C12orf42: variants seen among roughly 807,000 people sequenced by gnomAD.
C12orf42 encodes uncharacterized protein C12orf42.
Under a neutral mutation model 21.6 loss-of-function variants are expected in C12orf42, and 25 were observed. The observed-to-expected ratio is 1.16, with a 90% CI of 0.84 to 1.62. The LOEUF is 1.62. Among genes scored for constraint, C12orf42 ranks in the 40% most tolerant of loss-of-function variants. The pLI, the probability that C12orf42 is intolerant of heterozygous loss-of-function variation, is 0.00. For synonymous variants in C12orf42, 174 were observed against 175.0 expected, an observed-to-expected ratio of 0.99 and a Z score of 0.05; for missense variants, 483 against 459.3, an observed-to-expected ratio of 1.05 and a Z score of -0.47.
chr12:103,379,380 A>G (rs1850389109), intron 3 of C12orf42, among the ~76,000 whole-genome samples: 1 of 152,208 alleles, frequency 6.6e-6, no homozygotes, highest in Non-Finnish European at 1.5e-5. Context: ...AGAATGATAC[A>G]TTGAAGATGC....
chr12:103,470,074 C>T (rs890040193), intron 2 of C12orf42, among the ~76,000 whole-genome samples: 2 of 152,174 alleles, frequency 1.3e-5, no homozygotes, highest in Admixed American at 6.5e-5. Context: ...GAACTCAGGA[C>T]TAAAACCCAA....
At chr12:103,180,725 T>TTCAAGCGA in the C12orf42 span, among the ~76,000 whole-genome samples, 2 of 143,306 alleles carry the variant, frequency 1.4e-5, no homozygotes, top group African/African-American at 5.4e-5. Flanking sequence ...ACCTCCTGGG[T>TTCAAGCGA]TCAAGCGATT....
At chr12:103,072,456 A>AT in the C12orf42 span, among the ~76,000 whole-genome samples, 3 of 151,984 alleles carry the variant, frequency 2.0e-5, no homozygotes, top group East Asian at 5.8e-4. Context: ...AAAAAAAAAA[A>AT]GAAAATACAT....
chr12:103,182,633 T>C, the C12orf42 span, among the ~76,000 whole-genome samples: 2 of 152,182 alleles, frequency 1.3e-5, no homozygotes, highest in African/African-American at 4.8e-5. Context: ...TACCCTCAAC[T>C]CTCTCCTCTT....
At chr12:103,225,507 A>G in the C12orf42 span, among the ~76,000 whole-genome samples, 1 of 152,178 alleles carries the variant, frequency 6.6e-6, no homozygotes, top group Non-Finnish European at 1.5e-5. Flanking sequence ...GAGTAGAGGT[A>G]TCTTATATTT....
the C12orf42 span, among the ~76,000 whole-genome samples, chr12:103,227,718 C>T: frequency 1.3e-5 from 2 of 152,232 alleles, no homozygotes; most frequent in East Asian, 1.9e-4. Flanking sequence ...ACCCTTGAAA[C>T]GTGGGTGTAT....
chr12:103,186,426 C>T, the C12orf42 span, among the ~76,000 whole-genome samples: 1 of 152,086 alleles, frequency 6.6e-6, no homozygotes, highest in South Asian at 2.1e-4. Context: ...AGAGTTCTTG[C>T]CTTTCATCCA....
At chr12:103,120,677 C>A in the C12orf42 span, among the ~76,000 whole-genome samples, 1 of 150,742 alleles carries the variant, frequency 6.6e-6, no homozygotes, top group Non-Finnish European at 1.5e-5. Context: ...CATCAGTTAT[C>A]TTATATTATG....
rs144465718 is a variant in C12orf42 at position 103,462,319 on chromosome 12, C to G, written c.78+16030G>C. ...ACAGATGGGGTTTTGCCATGTTGGC[C>G]AGGCTGGTCTCGAACCCCTGACCTC... On this transcript the variant is annotated intron_variant, in intron 2 of 5. Coordinates refer to ENST00000548883, the MANE Select transcript of C12orf42 (RefSeq NM_198521.5). Among the ~76,000 whole-genome samples the G allele has an allele frequency of 2.3e-3, 349 of 151,582 alleles. 2 individuals carry two copies. The highest frequency in any genetic ancestry group is 8.1e-3 in the African/African-American group (334 of 41,326).
chr12:103,150,607 C>T, the C12orf42 span, among the ~76,000 whole-genome samples: 2 of 152,122 alleles, frequency 1.3e-5, no homozygotes, highest in Admixed American at 6.6e-5. Context: ...TCACTTATTC[C>T]AGTACATGCA....
intron 2 of C12orf42, among the ~76,000 whole-genome samples, chr12:103,471,212 C>T (rs1335196231): frequency 3.3e-5 from 5 of 152,196 alleles, no homozygotes; most frequent in East Asian, 1.9e-4. Context: ...ATAATATATA[C>T]AATATATAAT....
chr12:103,386,326 G>A (rs2046607023), intron 3 of C12orf42, among the ~76,000 whole-genome samples: 1 of 152,142 alleles, frequency 6.6e-6, no homozygotes, highest in Non-Finnish European at 1.5e-5. Context: ...TGTAGGTGAT[G>A]TGGAATACAG....
chr12:103,199,658 T>G, the C12orf42 span, among the ~76,000 whole-genome samples: 1 of 151,998 alleles, frequency 6.6e-6, no homozygotes, highest in Admixed American at 6.6e-5. Context: ...AAGAAACCAT[T>G]AATAAACAAA....
At chr12:103,369,073 C>T (rs1322436953) in intron 3 of C12orf42, 75 bp from the exon 4 acceptor site, 4 of 676,668 alleles carry the variant, frequency 5.9e-6, no homozygotes, top group African/African-American at 1.8e-5. Context: ...CCACCTAGCA[C>T]TCTTACTTCC....
chr12:103,307,886 TTTATC>T (rs1404632406), intron 4 of C12orf42, among the ~76,000 whole-genome samples: 1 of 152,212 alleles, frequency 6.6e-6, no homozygotes, highest in Admixed American at 6.5e-5. Context: ...TTCATTTGCC[TTTATC>T]TTATTACCCA....
the C12orf42 span, among the ~76,000 whole-genome samples, chr12:103,519,571 C>T: frequency 6.6e-6 from 1 of 152,118 alleles, no homozygotes. Flanking sequence ...AATGTGATGA[C>T]ATTTTTGGAA....
chr12:103,362,271 C>T (rs573550953), intron 4 of C12orf42, among the ~76,000 whole-genome samples: 1 of 152,208 alleles, frequency 6.6e-6, no homozygotes, highest in Non-Finnish European at 1.5e-5. Context: ...ATCACTACAG[C>T]TCAGCTCTCA....
chr12:103,050,096 G>A, the C12orf42 span, among the ~76,000 whole-genome samples: 1 of 152,164 alleles, frequency 6.6e-6, no homozygotes, highest in Non-Finnish European at 1.5e-5. Flanking sequence ...AACAGTGCCT[G>A]GCACAGAGTA....
intron 4 of C12orf42, among the ~76,000 whole-genome samples, chr12:103,332,222 A>G (rs1159877622): frequency 1.3e-5 from 2 of 152,224 alleles, no homozygotes; most frequent in African/African-American, 2.4e-5. Flanking sequence ...CTTAACATTC[A>G]CCATCATTCC....
Sources: gnomAD v4.1 joint callset for allele counts (sites outside exome capture counted in the v4.1 genomes callset) on GRCh38, gnomAD v4.1.1 for gene constraint, MANE v1.5 for transcripts, NCBI Gene and HGNC (gene_info 2026-07-23, HGNC 2026-07-21) for gene names.